APOBEC3G: variants seen among roughly 807,000 people sequenced by gnomAD.
APOBEC3G encodes the protein DNA dC->dU-editing enzyme APOBEC-3G.
Under a neutral mutation model 50.0 loss-of-function variants are expected in APOBEC3G, and 44 were observed. That is an observed-to-expected ratio of 0.88 (90% CI 0.69 to 1.13). The LOEUF (loss-of-function observed/expected upper bound fraction) is 1.13, where lower values mean the gene tolerates loss of function less well. Among genes scored for constraint, APOBEC3G ranks in the 50% most tolerant of loss-of-function variants. APOBEC3G has a pLI of 0.00. For missense variants in APOBEC3G, 469 were observed against 492.0 expected (o/e 0.95, Z 0.44); for synonymous variants, 156 against 175.3 (o/e 0.89, Z 0.87).
chr22:39,077,230 C>A (rs150525951), upstream of APOBEC3G: 1 of 1,489,368 alleles, frequency 6.7e-7, no homozygotes, highest in Non-Finnish European at 9.1e-7. Flanking sequence ...GAGCAGGAAG[C>A]GGGAGGGGCC....
At chr22:39,087,234 C>T in intron 7 of APOBEC3G, 108 bp downstream of exon 7, 2 of 1,600,270 alleles carry the variant, frequency 1.2e-6, no homozygotes, top group Non-Finnish European at 1.7e-6. Flanking sequence ...GTTCCCTGCT[C>T]CCCCAGGGCA....
chr22:39,087,557 C>G lies in APOBEC3G; in HGVS notation c.*136C>G. On this transcript the variant is annotated 3_prime_UTR_variant, in exon 8 of 8. Transcript: ENST00000407997. ...ACAGACACCAGCAAAGCAATGCACTCCTGACCAAGTAGATTCTTTTAAAAA... is the reference window on the plus strand; with the variant it reads ...ACAGACACCAGCAAAGCAATGCACTGCTGACCAAGTAGATTCTTTTAAAAA... The G allele has an allele frequency of 6.6e-7, 1 of 1,505,090 alleles. No homozygotes were observed. The allele number at this position is 1,505,090 out of a possible 1,614,324, so 93.2% of individuals were successfully genotyped here.
Position 39,081,130 on chromosome 22 carries a change from C to G in APOBEC3G, c.369C>G (p.Leu123=). 1 of 1,614,252 alleles carries G rather than the reference C, an allele frequency of 6.2e-7. No homozygotes were observed. The highest frequency in any genetic ancestry group is 8.5e-7 in the Non-Finnish European group (1 of 1,180,038). The stretch of plus-strand genomic sequence containing the variant: ...CCCTGACCATCTTTGTTGCCCGCCT[C>G]TACTACTTCTGGGACCCAGATTACC... The part of the protein sequence containing the change: ...KVTLTIFVAR[L]YYFWDPDYQE... Residue 123 remains leucine (L), a synonymous_variant, in exon 3 of 8, where the codon CTC becomes CTG. Transcript: ENST00000407997.
chr22:39,080,981 T>A lies in APOBEC3G; in HGVS notation c.220T>A (p.Phe74Ile). ...YHPEMRFFHW[F>I]SKWRKLHRDQ... Reference sequence around the variant, plus strand: ...CCCAGAGATGAGATTCTTCCACTGGTTCAGCAAGTGGAGGAAGCTGCATCG... The same window carrying A: ...CCCAGAGATGAGATTCTTCCACTGGATCAGCAAGTGGAGGAAGCTGCATCG... Residue 74 changes from phenylalanine to isoleucine, a missense_variant, in exon 3 of 8, where the codon TTC (phenylalanine) becomes ATC (isoleucine). By Grantham distance (21) the Phe-to-Ile change is conservative. Coordinates refer to ENST00000407997, the MANE Select transcript of APOBEC3G (RefSeq NM_021822.4). 1 of 1,613,888 alleles carries A rather than the reference T, an allele frequency of 6.2e-7. No homozygotes were observed. The highest frequency in any genetic ancestry group is 8.5e-7 in the Non-Finnish European group (1 of 1,179,984).
At position 39,087,523 on chromosome 22, in the gene APOBEC3G, C is replaced by T; in HGVS notation, c.*102C>T. Reference sequence around the variant, plus strand: ...CAAACAGGCTGTTCACCACCATCTCCAGCTGATCACAGACACCAGCAAAGC... The same window carrying T: ...CAAACAGGCTGTTCACCACCATCTCTAGCTGATCACAGACACCAGCAAAGC... On this transcript the variant is annotated 3_prime_UTR_variant, in exon 8 of 8. Coordinates refer to ENST00000407997, the MANE Select transcript of APOBEC3G (RefSeq NM_021822.4). 4.4e-6 allele frequency: 7 copies of T among 1,602,700 alleles called. No homozygotes were observed. The highest frequency in any genetic ancestry group is 6.0e-6 in the Non-Finnish European group (7 of 1,170,236).
intron 5 of APOBEC3G, among the ~76,000 whole-genome samples, chr22:39,085,348 G>C (rs754142490): frequency 1.8e-4 from 27 of 152,148 alleles, no homozygotes; most frequent in Non-Finnish European, 3.2e-4. Flanking sequence ...TAGAATTATA[G>C]GTCACAGAAG....
intron 2 of APOBEC3G, 145 bp downstream of exon 2, chr22:39,079,230 T>C (rs1192115090): frequency 2.5e-6 from 3 of 1,185,806 alleles, no homozygotes; most frequent in Non-Finnish European, 3.5e-6. Context: ...GCCCTGACCT[T>C]CCTGCTGGAC....
intron 2 of APOBEC3G, chr22:39,079,464 C>A: frequency 5.6e-6 from 1 of 179,284 alleles, no homozygotes; most frequent in Non-Finnish European, 1.2e-5. Context: ...ATTACAGGTG[C>A]CCACCACCAC....
intron 1 of APOBEC3G, 94 bp from the exon 2 acceptor site, chr22:39,078,838 A>C (rs1279116597): frequency 3.9e-6 from 6 of 1,527,014 alleles, no homozygotes; most frequent in Non-Finnish European, 5.3e-6. Context: ...GGGGAGGCCT[A>C]GAGCCGTCCA....
intron 1 of APOBEC3G, chr22:39,078,728 T>C (rs956244359): frequency 2.0e-5 from 12 of 613,020 alleles, no homozygotes; most frequent in African/African-American, 1.3e-4. Flanking sequence ...CTCTTTTTTT[T>C]TGAGACGGAA....
chr22:39,081,268 A>G, intron 3 of APOBEC3G, 41 bp downstream of exon 3: 1 of 1,599,914 alleles, frequency 6.3e-7, no homozygotes, highest in Non-Finnish European at 8.5e-7. Context: ...GAGACTGCTT[A>G]AGTGTCTGTG....
At chr22:39,086,071 G>C (rs1489753316) in intron 5 of APOBEC3G, among the ~76,000 whole-genome samples, 1 of 152,098 alleles carries the variant, frequency 6.6e-6, no homozygotes, top group African/African-American at 2.4e-5. Context: ...TTGGGAGGCT[G>C]AGGAGGGCAG....
chr22:39,086,101 T>C (rs1928677646), intron 5 of APOBEC3G, among the ~76,000 whole-genome samples, 178 bp from the exon 6 acceptor site: 1 of 151,832 alleles, frequency 6.6e-6, no homozygotes, highest in African/African-American at 2.4e-5. Flanking sequence ...GGTTGGGAGT[T>C]TGAGACCAGC....
chr22:39,078,333 G>A (rs545965758), intron 1 of APOBEC3G, among the ~76,000 whole-genome samples: 9 of 152,334 alleles, frequency 5.9e-5, no homozygotes, highest in Admixed American at 5.2e-4. Flanking sequence ...CAGGAGGAAT[G>A]TTGTTATTTT....
At chr22:39,080,291 G>A (rs1190269712) in intron 2 of APOBEC3G, 3 of 607,502 alleles carry the variant, frequency 4.9e-6, no homozygotes, top group African/African-American at 4.0e-5. Context: ...ATTCACACAC[G>A]AGGCCATGAA....
chr22:39,086,524 C>G lies in APOBEC3G; in HGVS notation c.981C>G (p.Thr327=). 1 of 1,611,790 alleles carries G rather than the reference C, an allele frequency of 6.2e-7. No homozygotes were observed. The highest frequency in any genetic ancestry group is 8.5e-7 in the Non-Finnish European group (1 of 1,178,410). The change falls in exon 6 of 8, where the codon ACC becomes ACG. Residue 327 remains threonine (T), a synonymous_variant. Transcript: ENST00000407997. ...DQGRCQEGLR[T]LAEAGAKISI... ...GAAGATGTCAGGAGGGGCTGCGCAC[C>G]CTGGCCGAGGCTGGGGCCAAAATTT...
At chr22:39,085,262 T>C (rs1043564284) in intron 5 of APOBEC3G, among the ~76,000 whole-genome samples, 1 of 152,174 alleles carries the variant, frequency 6.6e-6, no homozygotes, top group Non-Finnish European at 1.5e-5. Flanking sequence ...CACTTCTCCC[T>C]GCAAAGGGAG....
rs1569081313 is a variant in APOBEC3G at position 39,077,296 on chromosome 22, C to T, written c.-66C>T. 7.7e-5 allele frequency: 120 copies of T among 1,553,736 alleles called. No homozygotes were observed. Among genetic ancestry groups the T allele is most frequent in the Non-Finnish European group, 1.0e-4 (116 of 1,147,928 alleles). ...GGGAGGGCTGTCCTAAAACCAGAAG[C>T]TTGGAGCAGAAAGTGAAACCCTGGT... On this transcript the variant is annotated 5_prime_UTR_variant, in exon 1 of 8. Transcript: ENST00000407997.
Position 39,087,465 on chromosome 22 carries a change from G to A in APOBEC3G, c.*44G>A, listed in dbSNP as rs781233064. ...TAAGGAAGGCAGAGACCTGGGTTGAGCCTCAGAATAAAAGATCTTCTTCCA... is the reference window on the plus strand; with the variant it reads ...TAAGGAAGGCAGAGACCTGGGTTGAACCTCAGAATAAAAGATCTTCTTCCA... On this transcript the variant is annotated 3_prime_UTR_variant, in exon 8 of 8. Transcript: ENST00000407997. 3 of 1,613,866 alleles carry A rather than the reference G, an allele frequency of 1.9e-6. No individual in the cohort carries two copies. The highest frequency in any genetic ancestry group is 4.5e-5 in the East Asian group (2 of 44,892).
Sources: allele counts gnomAD v4.1 joint callset (sites outside exome capture counted in the v4.1 genomes callset), GRCh38; gene constraint gnomAD v4.1.1; transcripts MANE v1.5; gene names NCBI Gene and HGNC (gene_info 2026-07-23, HGNC 2026-07-21).